The following PCDH15 variants were observed in gnomAD, a reference collection of about 807,000 sequenced individuals.
PCDH15 encodes protocadherin related 15, also known as protocadherin-15.
A neutral mutation model predicts 178.5 loss-of-function variants in PCDH15; 129 were observed. The ratio of observed to expected loss-of-function variants is 0.72; its 90% CI spans 0.63 to 0.84. The LOEUF is 0.84. Ranked by LOEUF, PCDH15 falls within the 40% of genes least tolerant of loss-of-function variation. The probability of loss-of-function intolerance (pLI) is 0.00; values close to 1 mark genes in which losing one functional copy is unlikely to be tolerated. For missense variants in PCDH15, 2,230 were observed against 2,099.9 expected (o/e 1.06, Z -1.21); for synonymous variants, 800 against 732.0 (o/e 1.09, Z -1.50).
At chr10:54,603,470 G>C (rs1217574643) in intron 2 of PCDH15, among the ~76,000 whole-genome samples, 1 of 150,452 alleles carries the variant, frequency 6.6e-6, no homozygotes, top group Non-Finnish European at 1.5e-5. Context: ...TATTTTTTTA[G>C]GTTGTTTATT....
At chr10:54,892,709 A>G (rs1954483554) in intron 3 of PCDH15, among the ~76,000 whole-genome samples, 1 of 150,088 alleles carries the variant, frequency 6.7e-6, no homozygotes, top group South Asian at 2.1e-4. Flanking sequence ...AATAAATGAG[A>G]ATGGAAATAA....
chr10:55,626,685 C>T lies in PCDH15; in HGVS notation c.-156+940G>A, dbSNP rs188935020. Among the ~76,000 whole-genome samples the T allele has an allele frequency of 2.7e-4, 41 of 152,256 alleles. No homozygotes were observed. The East Asian group carries it at 4.1e-3, about 15-fold the overall frequency. ...AAATCAAGGGCCTTTTCTAACAATT[C>T]ATGTAATTCCTGTTATTAGCTAATG... On this transcript the variant is annotated intron_variant, in intron 2 of 5. Transcript: ENST00000613346.
chr10:55,072,663 A>T (rs1841781386), intron 2 of PCDH15, among the ~76,000 whole-genome samples: 1 of 152,138 alleles, frequency 6.6e-6, no homozygotes, highest in Non-Finnish European at 1.5e-5. Flanking sequence ...GAATTCTACC[A>T]GAGGTACAAG....
At chr10:55,287,223 T>C (rs1842895228) in intron 1 of PCDH15, among the ~76,000 whole-genome samples, 1 of 152,002 alleles carries the variant, frequency 6.6e-6, no homozygotes, top group Admixed American at 6.6e-5. Context: ...ATGCAATGAG[T>C]CTGTAATCAG....
intron 2 of PCDH15, among the ~76,000 whole-genome samples, chr10:54,536,506 A>T (rs2084541704): frequency 6.6e-6 from 1 of 152,010 alleles, no homozygotes; most frequent in African/African-American, 2.4e-5. Flanking sequence ...ATAATTTCAA[A>T]TTTTCTTTTA....
At chr10:54,849,192 GA>G (rs1312587833) in intron 3 of PCDH15, among the ~76,000 whole-genome samples, 2 of 150,438 alleles carry the variant, frequency 1.3e-5, no homozygotes, top group Admixed American at 6.6e-5. Flanking sequence ...TTTCTTCAAT[GA>G]AAAAAAAACT....
chr10:54,946,434 C>T (rs1230553830), intron 2 of PCDH15, among the ~76,000 whole-genome samples: 1 of 151,666 alleles, frequency 6.6e-6, no homozygotes, highest in Non-Finnish European at 1.5e-5. Context: ...TGGGTTAACT[C>T]CTCAGTTAAG....
intron 8 of PCDH15, among the ~76,000 whole-genome samples, chr10:54,301,328 C>T (rs992475570): frequency 3.3e-5 from 5 of 152,050 alleles, no homozygotes; most frequent in African/African-American, 9.7e-5. Context: ...AAACACTAAT[C>T]GATTGTATCC....
chr10:53,877,916 G>A (rs1016844775), intron 26 of PCDH15, among the ~76,000 whole-genome samples: 1 of 151,920 alleles, frequency 6.6e-6, no homozygotes, highest in Admixed American at 6.6e-5. Context: ...TAACTCTAGC[G>A]ATAGCTTAAA....
chr10:55,341,797 ATATATATATTTTTTTTTTT>A (rs1459825795), intron 2 of PCDH15, among the ~76,000 whole-genome samples: 128 of 11,266 alleles, frequency 0.011, no homozygotes, highest in South Asian at 0.044. Context: ...ATATATATAT[ATATATATATTTTTTTTTTT>A]TTTTTTTTTT....
intron 10 of PCDH15, among the ~76,000 whole-genome samples, chr10:54,210,070 T>C (rs2051246981): frequency 6.6e-6 from 1 of 152,150 alleles, no homozygotes; most frequent in Non-Finnish European, 1.5e-5. Flanking sequence ...TAATTTTCTA[T>C]GGCAAATATG....
chr10:53,883,399 A>T (rs2080871605), intron 26 of PCDH15, among the ~76,000 whole-genome samples: 1 of 152,160 alleles, frequency 6.6e-6, no homozygotes, highest in Admixed American at 6.5e-5. Flanking sequence ...TTAAAGAGAT[A>T]TATTTTTTTC....
intron 1 of PCDH15, among the ~76,000 whole-genome samples, chr10:55,199,792 G>T (rs113557566): frequency 1.3e-5 from 2 of 152,186 alleles, no homozygotes; most frequent in African/African-American, 4.8e-5. Flanking sequence ...GTGGCTGAAA[G>T]GTCCCAAGGT....
At chr10:55,238,520 AC>A (rs1276935126) in intron 1 of PCDH15, among the ~76,000 whole-genome samples, 1 of 152,170 alleles carries the variant, frequency 6.6e-6, no homozygotes, top group Non-Finnish European at 1.5e-5. Context: ...AGAAAATAAA[AC>A]AATTTTTTGA....
chr10:54,653,118 A>C lies in PCDH15; in HGVS notation c.91+11054T>G, dbSNP rs147904705. Among the ~76,000 whole-genome samples the C allele has an allele frequency of 6.0e-3, 907 of 152,242 alleles. 8 individuals carry two copies. The highest frequency in any genetic ancestry group is 0.017 in the African/African-American group (725 of 41,556). ...TAGTACCATTTTCCTCATTTTATAA[A>C]CAAGAACAGATGACTTAGATCAAGT... On this transcript the variant is annotated intron_variant, in intron 2 of 37. Coordinates refer to ENST00000644397, the MANE Select transcript of PCDH15 (RefSeq NM_001384140.1).
chr10:54,031,176 T>C (rs1345290563), intron 18 of PCDH15, among the ~76,000 whole-genome samples: 1 of 151,992 alleles, frequency 6.6e-6, no homozygotes, highest in Admixed American at 6.6e-5. Context: ...GAAACACTTT[T>C]ACAATGTACT....
At chr10:54,545,349 T>A (rs1231555152) in intron 2 of PCDH15, among the ~76,000 whole-genome samples, 1 of 152,160 alleles carries the variant, frequency 6.6e-6, no homozygotes, top group Admixed American at 6.5e-5. Context: ...AATAGAAAAG[T>A]ATGCAATGTA....
intron 2 of PCDH15, among the ~76,000 whole-genome samples, chr10:55,440,270 A>G (rs1391095442): frequency 6.6e-6 from 1 of 152,184 alleles, no homozygotes; most frequent in African/African-American, 2.4e-5. Context: ...TCATAATGTC[A>G]AACAATTAAA....
At chr10:55,243,527 G>C (rs1001262551) in intron 1 of PCDH15, among the ~76,000 whole-genome samples, 2 of 152,052 alleles carry the variant, frequency 1.3e-5, no homozygotes, top group African/African-American at 4.8e-5. Flanking sequence ...TCCTAGGATG[G>C]TTCACATTGA....
Sources: allele counts gnomAD v4.1 joint callset (sites outside exome capture counted in the v4.1 genomes callset), GRCh38; gene constraint gnomAD v4.1.1; transcripts MANE v1.5; gene names NCBI Gene and HGNC (gene_info 2026-07-23, HGNC 2026-07-21).